CRYBG1: variants seen among roughly 807,000 people sequenced by gnomAD.
The protein encoded by CRYBG1 is beta/gamma crystallin domain-containing protein 1.
A neutral mutation model predicts 189.2 loss-of-function variants in CRYBG1; 139 were observed. That is an observed-to-expected ratio of 0.73 (90% CI 0.64 to 0.85). The LOEUF (loss-of-function observed/expected upper bound fraction) is 0.85. Ranked by LOEUF, CRYBG1 falls within the 40% of genes least tolerant of loss-of-function variation. The pLI, the probability that CRYBG1 is intolerant of heterozygous loss-of-function variation, is 0.00. For synonymous variants in CRYBG1, 1,023 were observed against 1,017.1 expected (o/e 1.01, Z -0.11); for missense variants, 2,611 against 2,675.8 (o/e 0.98, Z 0.53).
At chr6:106,493,748 G>A (rs1772778848) in intron 2 of CRYBG1, among the ~76,000 whole-genome samples, 1 of 152,144 alleles carries the variant, frequency 6.6e-6, no homozygotes, top group African/African-American at 2.4e-5. Flanking sequence ...ACTTATAAGT[G>A]GGATGAGAAC....
chr6:106,367,905 A>G (rs1239867160), intron 1 of CRYBG1, among the ~76,000 whole-genome samples: 1 of 152,022 alleles, frequency 6.6e-6, no homozygotes, highest in Non-Finnish European at 1.5e-5. Context: ...AGTTATGATC[A>G]TGCTACTGCA....
chr6:106,397,859 G>C (rs1305792672), intron 1 of CRYBG1, among the ~76,000 whole-genome samples: 1 of 152,112 alleles, frequency 6.6e-6, no homozygotes, highest in East Asian at 1.9e-4. Context: ...CCTTTTGCTG[G>C]CATAAATGTG....
At chr6:106,395,206 G>A (rs1213260857) in intron 1 of CRYBG1, among the ~76,000 whole-genome samples, 1 of 151,436 alleles carries the variant, frequency 6.6e-6, no homozygotes, top group African/African-American at 2.4e-5. Flanking sequence ...ATCAGTCTGG[G>A]CAACATGGTA....
chr6:106,465,780 C>T (rs1317614850), intron 2 of CRYBG1, among the ~76,000 whole-genome samples: 1 of 152,160 alleles, frequency 6.6e-6, no homozygotes, highest in African/African-American at 2.4e-5. Flanking sequence ...ATACCCTGCC[C>T]TCTCAAATAC....
chr6:106,508,793 A>G (rs190754761), intron 2 of CRYBG1, among the ~76,000 whole-genome samples: 2 of 152,194 alleles, frequency 1.3e-5, no homozygotes, highest in East Asian at 3.9e-4. Flanking sequence ...ACATTCATGT[A>G]TTTTTAGGAA....
At chr6:106,522,845 A>C (rs541924923) in intron 4 of CRYBG1, among the ~76,000 whole-genome samples, 299 of 152,346 alleles carry the variant, frequency 2.0e-3, no homozygotes, top group African/African-American at 7.0e-3. Context: ...TTGGGTTTCC[A>C]GCAGAGGTGC....
At chr6:106,517,342 A>G (rs1435182774) in intron 3 of CRYBG1, among the ~76,000 whole-genome samples, 2 of 84,494 alleles carry the variant, frequency 2.4e-5, no homozygotes, top group African/African-American at 8.4e-5. Context: ...ATATATATAT[A>G]CACACACATA....
chr6:106,494,067 T>C lies in CRYBG1; in HGVS notation c.313-17363T>C, dbSNP rs957140705. On this transcript the variant is annotated intron_variant, in intron 2 of 21. Transcript: ENST00000633556. Reference sequence around the variant, plus strand: ...ATAAATATGCATGTGTCAGTCTGCATACATATGCATACAACATAGATAACC... The same window carrying C: ...ATAAATATGCATGTGTCAGTCTGCACACATATGCATACAACATAGATAACC... Among the ~76,000 whole-genome samples the C allele has an allele frequency of 2.6e-5, 4 of 152,220 alleles. No individual in the cohort carries two copies. In the East Asian group the frequency reaches 7.7e-4, roughly 29 times the overall value.
At position 106,543,260 on chromosome 6, in the gene CRYBG1, C is replaced by G. The variant is rs954593646; in HGVS notation, c.4882-180C>G. Among the ~76,000 whole-genome samples the G allele has an allele frequency of 2.6e-5, 4 of 152,052 alleles. No homozygotes were observed. The East Asian group carries it at 7.7e-4, about 29-fold the overall frequency. On this transcript the variant is annotated intron_variant, in intron 10 of 21. Transcript: ENST00000633556. ...GGCCAGGCTGGTCTCGAACTCCTGA[C>G]CTCAAGTGATCCACCTACCTCAGCC... is the stretch of plus-strand genomic sequence containing the variant.
At chr6:106,436,106 C>G (rs951615273) in intron 1 of CRYBG1, among the ~76,000 whole-genome samples, 1 of 152,032 alleles carries the variant, frequency 6.6e-6, no homozygotes, top group African/African-American at 2.4e-5. Context: ...CCCTGAGGAA[C>G]CTATTAGGAG....
In CRYBG1 at chr6:106,521,711, C is replaced by CTTTTTTTTTTTT. The variant is rs397976859; in HGVS notation, c.4245+272_4245+283dup. On this transcript the variant is annotated intron_variant, in intron 4 of 21. Coordinates refer to ENST00000633556, the MANE Select transcript of CRYBG1 (RefSeq NM_001371242.2). Reference sequence around the variant, plus strand: ...CTACAAATGCTCTAAGGCACATGATCTTTTTTTTTTTTTTTTTTTTTTTTT... The same window carrying CTTTTTTTTTTTT: ...CTACAAATGCTCTAAGGCACATGATCTTTTTTTTTTTTTTTTTTTTTTTTTTTTTTTTTTTTT... Among the ~76,000 whole-genome samples, 42 of 72,186 alleles carry CTTTTTTTTTTTT rather than the reference C, an allele frequency of 5.8e-4. 4 individuals are homozygous for CTTTTTTTTTTTT. The highest frequency in any genetic ancestry group is 2.3e-3 in the African/African-American group (39 of 17,142). The allele number at this position is 72,186 out of a possible 152,430, so 47.4% of individuals were successfully genotyped here.
chr6:106,483,402 A>ATATATGTATATATATATATATAT (rs1361096436), intron 2 of CRYBG1, among the ~76,000 whole-genome samples: 1 of 88,436 alleles, frequency 1.1e-5, no homozygotes. Context: ...ATATATATAT[A>ATATATGTATATATATATATATAT]AAACATTTTC....
At chr6:106,399,301 T>C (rs1333578282) in intron 1 of CRYBG1, among the ~76,000 whole-genome samples, 1 of 152,240 alleles carries the variant, frequency 6.6e-6, no homozygotes, top group Non-Finnish European at 1.5e-5. Context: ...AAAATAAATT[T>C]CAACTTTCCA....
chr6:106,513,216 C>A (rs72939437), intron 3 of CRYBG1, among the ~76,000 whole-genome samples, 177 bp downstream of exon 3: 1 of 152,190 alleles, frequency 6.6e-6, no homozygotes, highest in African/African-American at 2.4e-5. Flanking sequence ...TAAGATGACA[C>A]CTGTGGCAGC....
intron 8 of CRYBG1, among the ~76,000 whole-genome samples, chr6:106,531,761 T>G (rs1009262477): frequency 1.1e-4 from 16 of 152,170 alleles, no homozygotes; most frequent in Admixed American, 9.2e-4. Flanking sequence ...TAGACACCAC[T>G]TGAGCCAAGA....
intron 2 of CRYBG1, among the ~76,000 whole-genome samples, chr6:106,506,959 C>CA (rs1171778990): frequency 6.6e-6 from 1 of 152,018 alleles, no homozygotes; most frequent in South Asian, 2.1e-4. Flanking sequence ...AGAACAGTTT[C>CA]AAAAAAACTC....
In CRYBG1 at chr6:106,520,250, C is replaced by T; in HGVS notation, c.3042C>T (p.His1014=). The change falls in exon 4 of 22, where the codon CAC becomes CAT. Residue 1014 remains histidine, a synonymous_variant. Transcript: ENST00000633556. ...PPQEEVLGNE[H]SHCTAELAAK... ...AAGAGGAAGTACTGGGCAATGAACA[C>T]TCTCATTGCACAGCAGAGCTCGCGG... 6.2e-7 allele frequency: 1 copy of T among 1,614,152 alleles called. No homozygotes were observed. Among genetic ancestry groups the T allele is most frequent in the Non-Finnish European group, 8.5e-7 (1 of 1,180,022 alleles).
intron 2 of CRYBG1, among the ~76,000 whole-genome samples, chr6:106,474,564 C>G (rs2114471652): frequency 6.6e-6 from 1 of 152,072 alleles, no homozygotes; most frequent in East Asian, 1.9e-4. Flanking sequence ...TTCAATATCT[C>G]CCTTAGATCC....
chr6:106,539,740 T>C (rs1224499807), intron 9 of CRYBG1, among the ~76,000 whole-genome samples: 1 of 150,446 alleles, frequency 6.6e-6, no homozygotes, highest in African/African-American at 2.4e-5. Context: ...GACTATGTCC[T>C]TTGTCTTTAA....
Sources: allele counts gnomAD v4.1 joint callset (sites outside exome capture counted in the v4.1 genomes callset), GRCh38; gene constraint gnomAD v4.1.1; transcripts MANE v1.5; gene names NCBI Gene and HGNC (gene_info 2026-07-23, HGNC 2026-07-21).